HMCN1: variants seen among roughly 807,000 people sequenced by gnomAD.
HMCN1 encodes hemicentin 1, also known as hemicentin-1.
In HMCN1, 321 loss-of-function variants were observed where a neutral mutation model predicts 625.9. The ratio of observed to expected loss-of-function variants is 0.51; its 90% CI spans 0.47 to 0.56. HMCN1 has a LOEUF of 0.56. Among genes scored for constraint, HMCN1 ranks in the 20% least tolerant of loss-of-function variants. HMCN1 has a pLI of 0.00. For missense variants in HMCN1, 6,588 were observed against 6,887.3 expected (o/e 0.96, Z 1.54); for synonymous variants, 2,425 against 2,417.6 (o/e 1.00, Z -0.09).
chr1:186,146,011 C>T (rs1650296350), intron 93 of HMCN1, 88 bp downstream of exon 93: 1 of 1,331,356 alleles, frequency 7.5e-7, no homozygotes, highest in Non-Finnish European at 1.1e-6. Context: ...ACAATGCCAA[C>T]CCTGAGAGGT....
At chr1:185,899,251 A>G (rs867237078) in intron 4 of HMCN1, among the ~76,000 whole-genome samples, 6 of 152,146 alleles carry the variant, frequency 3.9e-5, no homozygotes, top group South Asian at 2.1e-4. Flanking sequence ...AAGCATAGCT[A>G]TGGGTGAAGT....
intron 72 of HMCN1, among the ~76,000 whole-genome samples, 169 bp from the exon 73 acceptor site, chr1:186,113,810 G>C (rs1454637281): frequency 1.3e-5 from 2 of 152,224 alleles, no homozygotes; most frequent in East Asian, 3.9e-4. Flanking sequence ...AAAGTATCTT[G>C]AGTAAGACTT....
intron 10 of HMCN1, among the ~76,000 whole-genome samples, chr1:185,931,353 T>G (rs1014008756): frequency 6.6e-6 from 1 of 152,184 alleles, no homozygotes; most frequent in Admixed American, 6.6e-5. Flanking sequence ...TCTGTAATCT[T>G]GGCCTCCTTC....
At chr1:185,959,610 T>C (rs1361533890) in intron 11 of HMCN1, among the ~76,000 whole-genome samples, 2 of 152,078 alleles carry the variant, frequency 1.3e-5, no homozygotes, top group African/African-American at 4.8e-5. Flanking sequence ...AAGCAAGTTG[T>C]TCTTGATGAT....
intron 58 of HMCN1, among the ~76,000 whole-genome samples, chr1:186,086,724 T>A (rs1036399239): frequency 2.0e-5 from 3 of 152,040 alleles, no homozygotes; most frequent in Non-Finnish European, 4.4e-5. Flanking sequence ...TGGTTGTTTT[T>A]AATCCTAAAG....
At chr1:185,902,270 C>T (rs1235736965) in intron 4 of HMCN1, among the ~76,000 whole-genome samples, 3 of 150,650 alleles carry the variant, frequency 2.0e-5, no homozygotes, top group African/African-American at 7.3e-5. Context: ...ATGTAAAAGA[C>T]TGTTTTATGG....
rs1656087188 is a variant in HMCN1, at chr1:186,039,786, G to T, written c.6087G>T (p.Val2029=). The change falls in exon 39 of 107, where the codon GTG becomes GTT. Residue 2029 remains valine (V), a synonymous_variant. Coordinates refer to ENST00000271588, the MANE Select transcript of HMCN1 (RefSeq NM_031935.3). ...TGGCAGTGGTGGTTAATAACCCGGTGAGGTTAGAATGTGAAGCCAGAGGTA... is the reference window on the plus strand; with the variant it reads ...TGGCAGTGGTGGTTAATAACCCGGTTAGGTTAGAATGTGAAGCCAGAGGTA... ...NMVAVVVNNP[V]RLECEARGIP... The T allele has an allele frequency of 6.2e-7, 1 of 1,613,372 alleles. No individual in the cohort carries two copies. The highest frequency in any genetic ancestry group is 1.3e-5 in the African/African-American group (1 of 74,882).
chr1:185,955,822 C>G (rs949637141), intron 11 of HMCN1, among the ~76,000 whole-genome samples: 1 of 152,050 alleles, frequency 6.6e-6, no homozygotes, highest in Non-Finnish European at 1.5e-5. Flanking sequence ...TTGACCCTAG[C>G]CCTTCTTTCA....
At chr1:185,788,123 T>G (rs528591870) in intron 1 of HMCN1, among the ~76,000 whole-genome samples, 11 of 152,236 alleles carry the variant, frequency 7.2e-5, no homozygotes, top group Non-Finnish European at 1.6e-4. Flanking sequence ...GAGTTTGAAA[T>G]GTATGCTATT....
chr1:186,149,290 C>T (rs1650528972), intron 93 of HMCN1, among the ~76,000 whole-genome samples: 1 of 152,192 alleles, frequency 6.6e-6, no homozygotes, highest in Non-Finnish European at 1.5e-5. Context: ...TTAGTGTAGC[C>T]ACCTTTATCA....
In HMCN1 at chr1:185,922,361, G is replaced by T; in HGVS notation, c.901-18G>T. 1 of 1,612,872 alleles carries T rather than the reference G, an allele frequency of 6.2e-7. No homozygotes were observed. The highest frequency in any genetic ancestry group is 8.5e-7 in the Non-Finnish European group (1 of 1,179,312). ...ACTGGATCAACTGCTGACCAGGTTTGTCATTAAACATTTTCAGACCTCAAG... is the reference window on the plus strand; with the variant it reads ...ACTGGATCAACTGCTGACCAGGTTTTTCATTAAACATTTTCAGACCTCAAG... On this transcript the variant is annotated intron_variant, in intron 6 of 106. Transcript: ENST00000271588.
At chr1:185,911,612 T>G in intron 5 of HMCN1, 62 bp from the exon 6 acceptor site, 1 of 1,172,718 alleles carries the variant, frequency 8.5e-7, no homozygotes, top group Non-Finnish European at 1.3e-6. Flanking sequence ...TAGTGTTAAA[T>G]TAGCTAATAT....
chr1:186,075,193 A>G lies in HMCN1; in HGVS notation c.8290+302A>G, dbSNP rs80162028. Among the ~76,000 whole-genome samples, 491 of 152,244 alleles carry G rather than the reference A, an allele frequency of 3.2e-3. 5 individuals are homozygous for G. The highest frequency in any genetic ancestry group is 0.011 in the African/African-American group (465 of 41,554). ...TAACTTTATATCATGAAGTTTTAAAAGCAGCATTTACATGAAAGGCAGGAA... is the reference window on the plus strand; with the variant it reads ...TAACTTTATATCATGAAGTTTTAAAGGCAGCATTTACATGAAAGGCAGGAA... On this transcript the variant is annotated intron_variant, in intron 53 of 106. Coordinates refer to ENST00000271588, the MANE Select transcript of HMCN1 (RefSeq NM_031935.3).
At chr1:186,012,464 C>T (rs1027840230) in intron 30 of HMCN1, among the ~76,000 whole-genome samples, 1 of 151,460 alleles carries the variant, frequency 6.6e-6, no homozygotes, top group Non-Finnish European at 1.5e-5. Context: ...GTGTCAGTAA[C>T]ATCTGTCAAC....
intron 1 of HMCN1, among the ~76,000 whole-genome samples, chr1:185,793,416 C>T (rs1157981627): frequency 6.6e-6 from 1 of 152,108 alleles, no homozygotes; most frequent in Non-Finnish European, 1.5e-5. Context: ...GACTTTCTTG[C>T]CTCCCTCTTG....
intron 8 of HMCN1, 102 bp downstream of exon 8, chr1:185,923,755 ATAT>A: frequency 2.0e-6 from 2 of 980,702 alleles, no homozygotes; most frequent in East Asian, 2.4e-5. Flanking sequence ...TAATGTCTTC[ATAT>A]TATTACTGCA....
At chr1:186,063,066 G>GTGTGTATA (rs1491400415) in intron 48 of HMCN1, among the ~76,000 whole-genome samples, 15 of 29,930 alleles carry the variant, frequency 5.0e-4, no homozygotes, top group Non-Finnish European at 6.6e-4. Context: ...GTGTGTGTGT[G>GTGTGTATA]CATATATATA....
Position 186,065,433 on chromosome 1 carries a change from G to A in HMCN1, c.7705+4G>A, listed in dbSNP as rs769045780. 3.8e-6 allele frequency: 6 copies of A among 1,576,250 alleles called. No homozygotes were observed. Among genetic ancestry groups the A allele is most frequent in the East Asian group, 4.5e-5 (2 of 44,342 alleles). On this transcript the variant is annotated splice_donor_region_variant and intron_variant, in intron 49 of 106. Transcript: ENST00000271588. ...AGCTTCAGTCTTAATGTATTTGGTA[G>A]GTGTGGGCTTTTCTTCATATCTTAA...
intron 4 of HMCN1, among the ~76,000 whole-genome samples, chr1:185,880,769 G>A (rs1333907520): frequency 6.6e-6 from 1 of 152,208 alleles, no homozygotes; most frequent in Non-Finnish European, 1.5e-5. Flanking sequence ...TTGGGATTTG[G>A]ACCAGAAGAG....
Sources: allele counts gnomAD v4.1 joint callset (sites outside exome capture counted in the v4.1 genomes callset), GRCh38; gene constraint gnomAD v4.1.1; transcripts MANE v1.5; gene names NCBI Gene and HGNC (gene_info 2026-07-23, HGNC 2026-07-21).